Variants in FAT3 observed in about 807,000 individuals in gnomAD.
The protein encoded by FAT3 is FAT atypical cadherin 3, also known as protocadherin Fat 3.
FAT3 carries 95 observed loss-of-function variants against 310.2 expected under a neutral mutation model. The ratio of observed to expected loss-of-function variants is 0.31; its 90% CI spans 0.26 to 0.36. FAT3 has a LOEUF of 0.36. Among genes scored for constraint, FAT3 ranks in the 10% least tolerant of loss-of-function variants. FAT3 has a pLI of 1.00. For synonymous variants in FAT3, 2,314 were observed against 2,192.9 expected (o/e 1.06, Z -1.54); for missense variants, 5,408 against 5,715.6 (o/e 0.95, Z 1.74).
chr11:92,844,644 C>T lies in FAT3; in HGVS notation c.11277C>T (p.Leu3759=), dbSNP rs187906439. 5.1e-4 allele frequency: 822 copies of T among 1,610,490 alleles called. No homozygotes were observed. Among genetic ancestry groups the T allele is most frequent in the Non-Finnish European group, 6.7e-4 (787 of 1,178,312 alleles). The change falls in exon 19 of 28, where the codon CTC becomes CTT. Residue 3759 remains leucine, a synonymous_variant. Coordinates refer to ENST00000525166, the MANE Select transcript of FAT3 (RefSeq NM_001367949.2). ...QEQHCEQGLS[L]DSHALMTYST... is the part of the protein sequence containing the mutation. ...AGCATTGTGAGCAAGGCTTGTCACT[C>T]GATTCCCACGCGCTCATGACCTACA...
At chr11:92,701,450 C>CT (rs1231412293) in intron 4 of FAT3, among the ~76,000 whole-genome samples, 1 of 152,186 alleles carries the variant, frequency 6.6e-6, no homozygotes, top group Non-Finnish European at 1.5e-5. Context: ...CAAAGACTTG[C>CT]TAAAGCAACA....
intron 1 of FAT3, among the ~76,000 whole-genome samples, chr11:92,320,416 CT>C (rs1380916551): frequency 7.0e-6 from 1 of 142,666 alleles, no homozygotes; most frequent in Non-Finnish European, 1.5e-5. Flanking sequence ...CCCATGCATT[CT>C]TTTACCAAAG....
chr11:92,832,125 G>A (rs1948277493), intron 14 of FAT3, 114 bp downstream of exon 14: 1 of 1,175,028 alleles, frequency 8.5e-7, no homozygotes, highest in African/African-American at 1.5e-5. Context: ...GAGTCCAGGA[G>A]TTCAGGACTA....
chr11:92,425,331 C>G (rs1425433356), intron 2 of FAT3, among the ~76,000 whole-genome samples: 1 of 151,974 alleles, frequency 6.6e-6, no homozygotes, highest in East Asian at 1.9e-4. Flanking sequence ...CCCTGAAGAT[C>G]TTCACGGAAG....
chr11:92,369,735 T>C (rs190091427), intron 2 of FAT3, among the ~76,000 whole-genome samples: 3 of 152,234 alleles, frequency 2.0e-5, no homozygotes, highest in Admixed American at 2.0e-4. Flanking sequence ...TAGTCCCAGC[T>C]ACTCGGGAGG....
chr11:92,518,888 A>T (rs915696964), intron 2 of FAT3, among the ~76,000 whole-genome samples: 21 of 152,142 alleles, frequency 1.4e-4, no homozygotes, highest in African/African-American at 4.8e-4. Context: ...TTCCTTAGAG[A>T]AATGAAAGAA....
rs1947285702 is a variant in FAT3, at chr11:92,799,856, T to C, written c.6843T>C (p.Asn2281=). 1.9e-6 allele frequency: 3 copies of C among 1,613,314 alleles called. No individual in the cohort carries two copies. Among genetic ancestry groups the C allele is most frequent in the Admixed American group, 3.3e-5 (2 of 59,924 alleles). The change falls in exon 10 of 28, where the codon AAT becomes AAC. Residue 2281 remains asparagine, a synonymous_variant. Transcript: ENST00000525166. ...TTGACTTGCTAGTTAATGATGTAAA[T>C]GACAACCCCCCTATTTTCGATCAGC... is the stretch of plus-strand genomic sequence containing the variant. ...VTVDLLVNDV[N]DNPPIFDQPT... is the part of the protein sequence containing the mutation.
intron 3 of FAT3, among the ~76,000 whole-genome samples, chr11:92,606,023 G>C (rs1298514210): frequency 6.6e-6 from 1 of 152,122 alleles, no homozygotes; most frequent in Non-Finnish European, 1.5e-5. Flanking sequence ...TCATTTGCAA[G>C]CTGGGCAAGT....
intron 4 of FAT3, among the ~76,000 whole-genome samples, chr11:92,756,916 A>AC (rs1946007541): frequency 1.1e-5 from 1 of 90,302 alleles, no homozygotes; most frequent in Non-Finnish European, 2.1e-5. Flanking sequence ...TTGTGGCTCC[A>AC]TTTTTTTTTT....
At chr11:92,783,098 G>A (rs764427406) in intron 7 of FAT3, among the ~76,000 whole-genome samples, 3 of 151,980 alleles carry the variant, frequency 2.0e-5, no homozygotes, top group Non-Finnish European at 4.4e-5. Flanking sequence ...AATGGCTCAC[G>A]CCTGTAATCC....
chr11:92,229,044 A>T (rs77429585), intron 1 of FAT3, among the ~76,000 whole-genome samples: 2 of 152,220 alleles, frequency 1.3e-5, no homozygotes, highest in African/African-American at 4.8e-5. Flanking sequence ...GGAAATTTAA[A>T]AGAAAGGGAT....
chr11:92,811,770 C>T (rs1321795305), intron 13 of FAT3, among the ~76,000 whole-genome samples: 1 of 152,134 alleles, frequency 6.6e-6, no homozygotes, highest in Non-Finnish European at 1.5e-5. Context: ...TATAGGGGTG[C>T]TGCTGGCATC....
Position 92,512,835 on chromosome 11 carries a change from AT to A in FAT3, c.3293-11797del, listed in dbSNP as rs541307137. Among the ~76,000 whole-genome samples, 14 of 112,370 alleles carry A rather than the reference AT, an allele frequency of 1.2e-4. 2 individuals carry two copies. In the South Asian group the frequency reaches 3.6e-3, roughly 29 times the overall value. 73.7% of individuals were successfully genotyped at this position (112,370 alleles called of 152,430 possible). ...AAGCATTATAAACATCTAAGTTAAG[AT>A]TATCGGCCGGGCGCGGTGGCTCACG... On this transcript the variant is annotated intron_variant, in intron 2 of 27. Coordinates refer to ENST00000525166, the MANE Select transcript of FAT3 (RefSeq NM_001367949.2).
At chr11:92,570,634 T>C (rs1955638267) in intron 3 of FAT3, among the ~76,000 whole-genome samples, 1 of 152,172 alleles carries the variant, frequency 6.6e-6, no homozygotes, top group Non-Finnish European at 1.5e-5. Flanking sequence ...GTGCAGATAA[T>C]TCCATATATT....
intron 21 of FAT3, among the ~76,000 whole-genome samples, chr11:92,865,890 A>G (rs1459575945): frequency 3.3e-5 from 5 of 152,114 alleles, no homozygotes; most frequent in Non-Finnish European, 5.9e-5. Context: ...TGCTACACCA[A>G]TGCACTCACA....
intron 4 of FAT3, among the ~76,000 whole-genome samples, chr11:92,732,187 A>C (rs2136002121): frequency 6.6e-6 from 1 of 152,362 alleles, no homozygotes; most frequent in South Asian, 2.1e-4. Context: ...TTAAGGGGTG[A>C]GGAAGCAAAG....
At chr11:92,472,808 C>G (rs567696464) in intron 2 of FAT3, among the ~76,000 whole-genome samples, 1 of 152,282 alleles carries the variant, frequency 6.6e-6, no homozygotes, top group South Asian at 2.1e-4. Flanking sequence ...CGATTAAACC[C>G]TTCTGGAGAC....
chr11:92,579,681 G>GA (rs956338410), intron 3 of FAT3, among the ~76,000 whole-genome samples: 3 of 151,554 alleles, frequency 2.0e-5, no homozygotes, highest in African/African-American at 4.8e-5. Context: ...CCACTTTAAA[G>GA]AAAAAAAATA....
chr11:92,525,080 A>G, intron 3 of FAT3, 132 bp downstream of exon 3: 1 of 774,216 alleles, frequency 1.3e-6, no homozygotes, highest in Non-Finnish European at 2.0e-6. Flanking sequence ...TGGTTTCTGA[A>G]AAGGTGAGTG....
Sources: gnomAD v4.1 joint callset for allele counts (sites outside exome capture counted in the v4.1 genomes callset) on GRCh38, gnomAD v4.1.1 for gene constraint, MANE v1.5 for transcripts, NCBI Gene and HGNC (gene_info 2026-07-23, HGNC 2026-07-21) for gene names.